Variants in MYO5B observed in about 807,000 individuals in gnomAD.
The protein encoded by MYO5B is unconventional myosin-Vb.
MYO5B carries 143 observed loss-of-function variants against 229.3 expected under a neutral mutation model. That is an observed-to-expected ratio of 0.62 (90% CI 0.54 to 0.72). The LOEUF (loss-of-function observed/expected upper bound fraction) is 0.72. MYO5B is among the 30% of genes least tolerant of loss of function. The probability of loss-of-function intolerance (pLI) is 0.00; values close to 1 mark genes in which losing one functional copy is unlikely to be tolerated. For synonymous variants in MYO5B, 918 were observed against 885.2 expected, an observed-to-expected ratio of 1.04 and a Z score of -0.66; for missense variants, 2,321 against 2,331.0, an observed-to-expected ratio of 1.00 and a Z score of 0.09.
chr18:49,992,058 C>T (rs1052155583), intron 6 of MYO5B, among the ~76,000 whole-genome samples: 1 of 152,138 alleles, frequency 6.6e-6, no homozygotes, highest in African/African-American at 2.4e-5. Context: ...AGGCATTCAA[C>T]GTTTGTTGAT....
chr18:49,880,608 T>C (rs1013207986), intron 22 of MYO5B, 153 bp from the exon 23 acceptor site: 2 of 702,888 alleles, frequency 2.8e-6, no homozygotes, highest in Non-Finnish European at 5.1e-6. Flanking sequence ...GGAAAAATTG[T>C]GTACTGAAAG....
intron 4 of MYO5B, among the ~76,000 whole-genome samples, chr18:50,019,163 C>G (rs1345708701): frequency 6.6e-6 from 1 of 152,172 alleles, no homozygotes; most frequent in Non-Finnish European, 1.5e-5. Flanking sequence ...AGTTCATAAA[C>G]GTGCTTTAAA....
At position 49,930,180 on chromosome 18, in the gene MYO5B, A is replaced by G. The variant is rs980258931; in HGVS notation, c.2004-582T>C. Among the ~76,000 whole-genome samples the G allele has an allele frequency of 6.6e-5, 10 of 152,334 alleles. 1 individual carries two copies. Among genetic ancestry groups the G allele is most frequent in the Admixed American group, 6.5e-4 (10 of 15,304 alleles). ...ACAGCAGTACCTATTTTATCAGGTT[A>G]GTGTGAAGCTTAAATGTAATGGTCC... On this transcript the variant is annotated intron_variant, in intron 16 of 39. Coordinates refer to ENST00000285039, the MANE Select transcript of MYO5B (RefSeq NM_001080467.3).
intron 1 of MYO5B, among the ~76,000 whole-genome samples, chr18:50,083,595 C>T (rs2852093): frequency 0.98 from 148,894 of 152,338 alleles, 72,861 homozygotes; most frequent in East Asian, 1. Context: ...GCATGTGACA[C>T]GTGGGCATCA....
chr18:50,121,181 C>G (rs1354009184), intron 1 of MYO5B, among the ~76,000 whole-genome samples: 1 of 152,166 alleles, frequency 6.6e-6, no homozygotes, highest in Non-Finnish European at 1.5e-5. Flanking sequence ...GAAACTTTCC[C>G]TGAACTCCTG....
chr18:49,907,210 T>C (rs762913827), intron 18 of MYO5B, among the ~76,000 whole-genome samples: 31 of 152,142 alleles, frequency 2.0e-4, no homozygotes, highest in Non-Finnish European at 3.5e-4. Context: ...AAAGGCCTCG[T>C]AGGTTGCAGC....
At chr18:50,133,956 C>CT (rs2032294602) in intron 1 of MYO5B, among the ~76,000 whole-genome samples, 1 of 151,958 alleles carries the variant, frequency 6.6e-6, no homozygotes, top group Non-Finnish European at 1.5e-5. Context: ...AGCATGCTGC[C>CT]TTATGTATAA....
intron 1 of MYO5B, among the ~76,000 whole-genome samples, chr18:50,191,291 G>A (rs1189040960): frequency 6.6e-6 from 1 of 152,174 alleles, no homozygotes; most frequent in African/African-American, 2.4e-5. Context: ...GACCCTAAAT[G>A]ATTAAGAACT....
intron 39 of MYO5B, 136 bp downstream of exon 39, chr18:49,835,208 T>A: frequency 1.5e-6 from 1 of 684,410 alleles, no homozygotes. Flanking sequence ...AAGTAGAAAG[T>A]CTAGGAATGT....
intron 1 of MYO5B, among the ~76,000 whole-genome samples, chr18:50,115,141 C>A (rs1473918240): frequency 5.3e-5 from 8 of 152,238 alleles, no homozygotes; most frequent in Admixed American, 4.6e-4. Context: ...CTCCATCATA[C>A]CTGTCCCAGT....
At chr18:49,846,260 C>G (rs1350357864) in intron 33 of MYO5B, among the ~76,000 whole-genome samples, 3 of 152,198 alleles carry the variant, frequency 2.0e-5, no homozygotes, top group Non-Finnish European at 4.4e-5. Flanking sequence ...GTGAATGTCA[C>G]CTGGCATCTT....
chr18:49,915,483 G>A (rs935235062), intron 17 of MYO5B, among the ~76,000 whole-genome samples: 12 of 152,352 alleles, frequency 7.9e-5, no homozygotes, highest in Admixed American at 5.9e-4. Context: ...AAGGAAGGGC[G>A]CAGGGCGCTT....
At chr18:50,111,900 A>C (rs1241215654) in intron 1 of MYO5B, among the ~76,000 whole-genome samples, 2 of 152,186 alleles carry the variant, frequency 1.3e-5, no homozygotes, top group Non-Finnish European at 2.9e-5. Context: ...ACTTCAATGC[A>C]CTGCACCTAC....
At chr18:50,153,818 C>T (rs1020284319) in intron 1 of MYO5B, among the ~76,000 whole-genome samples, 1 of 151,994 alleles carries the variant, frequency 6.6e-6, no homozygotes, top group African/African-American at 2.4e-5. Flanking sequence ...AGTGAGCGAG[C>T]GGGGATGCGA....
chr18:50,039,057 G>C (rs1424855367), intron 3 of MYO5B, among the ~76,000 whole-genome samples: 2 of 152,068 alleles, frequency 1.3e-5, no homozygotes, highest in Admixed American at 6.6e-5. Flanking sequence ...GAATATAAAA[G>C]TGAAAAACCC....
chr18:49,880,309 G>C (rs1798243914), intron 23 of MYO5B, 62 bp downstream of exon 23: 1 of 1,409,726 alleles, frequency 7.1e-7, no homozygotes, highest in Admixed American at 1.7e-5. Context: ...GAGTCTTTGG[G>C]AGAAGTCAGT....
At chr18:50,069,438 A>C (rs1224299853) in intron 1 of MYO5B, among the ~76,000 whole-genome samples, 1 of 152,034 alleles carries the variant, frequency 6.6e-6, no homozygotes, top group Non-Finnish European at 1.5e-5. Flanking sequence ...CCAACATCCC[A>C]TCCCCCGAGT....
chr18:50,110,609 C>A (rs930796686), intron 1 of MYO5B, among the ~76,000 whole-genome samples: 7 of 152,126 alleles, frequency 4.6e-5, no homozygotes, highest in African/African-American at 1.7e-4. Context: ...TTCTTTATCC[C>A]TGAGTGCATG....
intron 1 of MYO5B, among the ~76,000 whole-genome samples, chr18:50,088,081 C>T (rs1415408576): frequency 6.6e-6 from 1 of 152,068 alleles, no homozygotes; most frequent in Non-Finnish European, 1.5e-5. Flanking sequence ...ATTCATAGAC[C>T]AGGGAAAGAA....
Sources: allele counts gnomAD v4.1 joint callset (sites outside exome capture counted in the v4.1 genomes callset), GRCh38; gene constraint gnomAD v4.1.1; transcripts MANE v1.5; gene names NCBI Gene and HGNC (gene_info 2026-07-23, HGNC 2026-07-21).